The following SLCO1A2 variants were observed in gnomAD, a reference collection of about 807,000 sequenced individuals.
The protein encoded by SLCO1A2 is solute carrier organic anion transporter family member 1A2, also known as OATP-1.
SLCO1A2 carries 67 observed loss-of-function variants against 69.0 expected under a neutral mutation model. The observed-to-expected ratio is 0.97, with a 90% CI of 0.80 to 1.19. The LOEUF (loss-of-function observed/expected upper bound fraction) is 1.19, where lower values mean the gene tolerates loss of function less well. SLCO1A2 is among the 50% of genes most tolerant of loss of function. The pLI is 0.00. For synonymous variants in SLCO1A2, 260 were observed against 265.9 expected (o/e 0.98, Z 0.22); for missense variants, 787 against 793.7 (o/e 0.99, Z 0.10).
At chr12:21,418,211 T>C (rs1032588336), upstream of SLCO1A2, among the ~76,000 whole-genome samples, 8 of 152,170 alleles carry the variant, frequency 5.3e-5, no homozygotes, top group Admixed American at 1.3e-4. Context: ...TGGATATCAA[T>C]AGAAGCAGAA....
At chr12:21,348,590 C>A (rs908221178) in intron 2 of SLCO1A2, among the ~76,000 whole-genome samples, 1 of 152,104 alleles carries the variant, frequency 6.6e-6, no homozygotes, top group African/African-American at 2.4e-5. Context: ...TCTTTTTTTA[C>A]TCCCTTTTTT....
At chr12:21,316,665 T>C (rs1011833424) in intron 3 of SLCO1A2, among the ~76,000 whole-genome samples, 1 of 152,154 alleles carries the variant, frequency 6.6e-6, no homozygotes, top group African/African-American at 2.4e-5. Flanking sequence ...CCTTTTCTTC[T>C]ACCTGTGCCT....
At chr12:21,360,296 T>C (rs930743568) in intron 2 of SLCO1A2, among the ~76,000 whole-genome samples, 1 of 152,226 alleles carries the variant, frequency 6.6e-6, no homozygotes, top group Non-Finnish European at 1.5e-5. Flanking sequence ...ATTTTAAATA[T>C]GTGCAGTTTA....
chr12:21,327,127 T>A (rs1449138960), intron 2 of SLCO1A2, among the ~76,000 whole-genome samples: 1 of 152,132 alleles, frequency 6.6e-6, no homozygotes, highest in Non-Finnish European at 1.5e-5. Flanking sequence ...AAGGAGCCAA[T>A]GTACACTCAG....
intron 2 of SLCO1A2, among the ~76,000 whole-genome samples, chr12:21,344,299 T>C (rs1705832639): frequency 1.3e-5 from 2 of 152,066 alleles, no homozygotes; most frequent in Admixed American, 6.6e-5. Flanking sequence ...CCCTCTCTCC[T>C]TAATCCATCA....
At chr12:21,348,144 T>C (rs992657377) in intron 2 of SLCO1A2, among the ~76,000 whole-genome samples, 2 of 152,216 alleles carry the variant, frequency 1.3e-5, no homozygotes, top group Non-Finnish European at 2.9e-5. Flanking sequence ...TATATGTTTA[T>C]GGGGTACATG....
intron 8 of SLCO1A2, among the ~76,000 whole-genome samples, chr12:21,298,499 T>A (rs1948097784): frequency 6.6e-6 from 1 of 152,162 alleles, no homozygotes; most frequent in Non-Finnish European, 1.5e-5. Flanking sequence ...AATAAACTGC[T>A]CACAATTCAT....
Position 21,267,342 on chromosome 12 carries a change from G to T in SLCO1A2, c.*2206C>A, listed in dbSNP as rs1942179923. 1 of 152,166 alleles carries T rather than the reference G, an allele frequency of 6.6e-6. No homozygotes were observed. The highest frequency in any genetic ancestry group is 2.4e-5 in the African/African-American group (1 of 41,422). The allele number at this position is 152,166 out of a possible 1,614,324, so 9.4% of individuals were successfully genotyped here. ...CACAAAGCAAGACTCAGCTTTCTCA[G>T]ATCACCTCAAATCTATCAATAGGGA... On this transcript the variant is annotated 3_prime_UTR_variant, in exon 15 of 15. Coordinates refer to ENST00000683939, the MANE Select transcript of SLCO1A2 (RefSeq NM_001386879.1).
chr12:21,319,504 C>A, intron 2 of SLCO1A2: 1 of 1,343,600 alleles, frequency 7.4e-7, no homozygotes, highest in Middle Eastern at 2.1e-4. Flanking sequence ...GGATGCTCTG[C>A]AACCCTTGAG....
At chr12:21,321,911 A>T (rs1243937467) in intron 2 of SLCO1A2, among the ~76,000 whole-genome samples, 1 of 152,118 alleles carries the variant, frequency 6.6e-6, no homozygotes, top group East Asian at 1.9e-4. Context: ...AGATGTCTAT[A>T]AGTTCCTCTC....
intron 1 of SLCO1A2, among the ~76,000 whole-genome samples, chr12:21,411,484 T>A (rs1941906569): frequency 6.6e-6 from 1 of 152,182 alleles, no homozygotes; most frequent in Non-Finnish European, 1.5e-5. Context: ...ATCCTCACAC[T>A]GTGTTAATTG....
chr12:21,290,091 A>G (rs1384801146), intron 12 of SLCO1A2, among the ~76,000 whole-genome samples: 2 of 151,962 alleles, frequency 1.3e-5, no homozygotes, highest in Admixed American at 1.3e-4. Context: ...AGAGACATAT[A>G]TATGTATATA....
chr12:21,292,177 T>C lies in SLCO1A2; in HGVS notation c.1597A>G (p.Met533Val). The part of the protein sequence containing the change: ...IYSLAAIPGY[M>V]VLLRCMKSEE... ...ATAATTTTGTACCTCAAGAGAACCA[T>C]ATATCCAGGTATGGCAGCCAAAGAA... Residue 533 changes from methionine (M) to valine (V), a missense_variant, in exon 12 of 15, where the codon ATG (methionine) becomes GTG (valine). Met to Val is a conservative substitution (Grantham distance 21). Transcript: ENST00000683939. 1.9e-6 allele frequency: 3 copies of C among 1,597,488 alleles called. No homozygotes were observed. Among genetic ancestry groups the C allele is most frequent in the South Asian group, 2.3e-5 (2 of 88,470 alleles).
chr12:21,359,462 G>A (rs1469892847), intron 2 of SLCO1A2, among the ~76,000 whole-genome samples: 1 of 151,948 alleles, frequency 6.6e-6, no homozygotes, highest in East Asian at 1.9e-4. Flanking sequence ...TGATATTTGG[G>A]AGTCTCCCAG....
In SLCO1A2 at chr12:21,301,188, G is replaced by C; in HGVS notation, c.671C>G (p.Thr224Ser). 6.2e-7 allele frequency: 1 copy of C among 1,609,912 alleles called. No homozygotes were observed. The highest frequency in any genetic ancestry group is 8.5e-7 in the Non-Finnish European group (1 of 1,177,054). Residue 224 changes from threonine (T) to serine (S), a missense_variant, in exon 7 of 15, where the codon ACT becomes AGT. Physicochemically the swap from Thr to Ser is moderately conservative, Grantham distance 58 (BLOSUM62 1). Coordinates refer to ENST00000683939, the MANE Select transcript of SLCO1A2 (RefSeq NM_001386879.1). ...ASFCANVYVD[T>S]GFVNTDDLII... is the part of the protein sequence containing the mutation. ...TGAATTACCTGTGTTCACAAATCCA[G>C]TGTCAACATAAACATTTGCACAGAA...
intron 1 of SLCO1A2, among the ~76,000 whole-genome samples, chr12:21,381,339 T>C (rs2137123800): frequency 6.6e-6 from 1 of 151,678 alleles, no homozygotes; most frequent in Admixed American, 6.6e-5. Flanking sequence ...AATAATCCCA[T>C]TGAAAAGTGG....
chr12:21,269,138 TAACAG>T lies in SLCO1A2; in HGVS notation c.*405_*409del, dbSNP rs1248032012. ...TGAATAAAATATTTAAATCTTCACATAACAGAATGAGAATTTAGGCATCTGAATAA... is the reference window on the plus strand; with the variant it reads ...TGAATAAAATATTTAAATCTTCACATAATGAGAATTTAGGCATCTGAATAA... On this transcript the variant is annotated 3_prime_UTR_variant, in exon 15 of 15. Coordinates refer to ENST00000683939, the MANE Select transcript of SLCO1A2 (RefSeq NM_001386879.1). 6.5e-6 allele frequency: 1 copy of T among 154,790 alleles called. No homozygotes were observed. Among genetic ancestry groups the T allele is most frequent in the Non-Finnish European group, 1.4e-5 (1 of 69,896 alleles). The allele number at this position is 154,790 out of a possible 1,614,324, so 9.6% of individuals were successfully genotyped here.
intron 8 of SLCO1A2, 39 bp downstream of exon 8, chr12:21,300,309 A>C (rs1333112371): frequency 1.4e-6 from 2 of 1,394,786 alleles, no homozygotes; most frequent in Non-Finnish European, 2.0e-6. Flanking sequence ...ATATGAAATA[A>C]AAGGTCAATT....
At chr12:21,367,154 G>A (rs575158359) in intron 2 of SLCO1A2, among the ~76,000 whole-genome samples, 1 of 152,028 alleles carries the variant, frequency 6.6e-6, no homozygotes, top group Non-Finnish European at 1.5e-5. Context: ...TTTTCTTTTA[G>A]CCACATTAGT....
Sources: allele counts gnomAD v4.1 joint callset (sites outside exome capture counted in the v4.1 genomes callset), GRCh38; gene constraint gnomAD v4.1.1; transcripts MANE v1.5; gene names NCBI Gene and HGNC (gene_info 2026-07-23, HGNC 2026-07-21).